Variants in PODXL observed in about 807,000 individuals in gnomAD.
PODXL encodes podocalyxin.
A neutral mutation model predicts 48.9 loss-of-function variants in PODXL; 20 were observed. That is an observed-to-expected ratio of 0.41 (90% CI 0.29 to 0.59). PODXL has a LOEUF of 0.59. Ranked by LOEUF, PODXL falls within the 20% of genes least tolerant of loss-of-function variation. The pLI is 0.31. For synonymous variants in PODXL, 295 were observed against 287.4 expected, an observed-to-expected ratio of 1.03 and a Z score of -0.27; for missense variants, 606 against 675.1, an observed-to-expected ratio of 0.90 and a Z score of 1.13.
chr7:131,516,065 C>T (rs1265395135), intron 1 of PODXL, among the ~76,000 whole-genome samples: 1 of 152,202 alleles, frequency 6.6e-6, no homozygotes, highest in Non-Finnish European at 1.5e-5. Context: ...AATTTTACAT[C>T]AGGCTGAATT....
chr7:131,522,000 G>C (rs1798099473), intron 1 of PODXL, among the ~76,000 whole-genome samples: 1 of 152,226 alleles, frequency 6.6e-6, no homozygotes, highest in Non-Finnish European at 1.5e-5. Flanking sequence ...CAGAGCTGTG[G>C]GCTAAACCCA....
intron 1 of PODXL, among the ~76,000 whole-genome samples, chr7:131,522,295 A>G (rs552497813): frequency 2.0e-5 from 3 of 152,274 alleles, no homozygotes; most frequent in African/African-American, 7.2e-5. Flanking sequence ...TACTAAAAAT[A>G]CAAAAAATTA....
intron 1 of PODXL, among the ~76,000 whole-genome samples, chr7:131,521,400 T>C (rs1354475160): frequency 6.6e-6 from 1 of 151,464 alleles, no homozygotes; most frequent in Admixed American, 6.6e-5. Flanking sequence ...GTGGTGTGAT[T>C]TCAGCTCACT....
intron 8 of PODXL, among the ~76,000 whole-genome samples, chr7:131,504,941 T>C (rs1232657064): frequency 6.6e-6 from 1 of 152,128 alleles, no homozygotes; most frequent in East Asian, 1.9e-4. Context: ...TCTAGAATCA[T>C]CCCTGCGGCA....
At chr7:131,553,213 G>A (rs1798694049) in intron 1 of PODXL, among the ~76,000 whole-genome samples, 1 of 152,106 alleles carries the variant, frequency 6.6e-6, no homozygotes, top group African/African-American at 2.4e-5. Flanking sequence ...ACAATTCATA[G>A]AGCCTCAGCC....
At chr7:131,531,140 C>T (rs144155705) in intron 1 of PODXL, among the ~76,000 whole-genome samples, 2,001 of 152,270 alleles carry the variant, frequency 0.013, 19 homozygotes, top group Non-Finnish European at 0.021. Context: ...CTTAGCTGGG[C>T]ACTCATTTCC....
At chr7:131,524,379 C>CACATACAGAGAGAGAG (rs746255906) in intron 1 of PODXL, among the ~76,000 whole-genome samples, 1 of 104,052 alleles carries the variant, frequency 9.6e-6, no homozygotes, top group Non-Finnish European at 2.3e-5. Flanking sequence ...CACACACACA[C>CACATACAGAGAGAGAG]AGAGAGAGAG....
At chr7:131,516,114 A>T (rs185264912) in intron 1 of PODXL, among the ~76,000 whole-genome samples, 27 of 152,380 alleles carry the variant, frequency 1.8e-4, no homozygotes, top group Admixed American at 1.2e-3. Context: ...TTTGGATCCA[A>T]TATGCTGACT....
chr7:131,527,869 G>C (rs79402376), intron 1 of PODXL, among the ~76,000 whole-genome samples: 3,462 of 151,258 alleles, frequency 0.023, 110 homozygotes, highest in African/African-American at 0.079. Context: ...AGCACCAGTA[G>C]AGGATTTGGC....
chr7:131,508,863 T>C (rs1336143135), intron 5 of PODXL, 88 bp downstream of exon 5: 1 of 952,952 alleles, frequency 1.0e-6, no homozygotes, highest in Non-Finnish European at 1.7e-6. Flanking sequence ...TGTTTAAAAA[T>C]GCACCTAGAA....
At chr7:131,542,521 G>A (rs1252021165) in intron 1 of PODXL, among the ~76,000 whole-genome samples, 1 of 152,136 alleles carries the variant, frequency 6.6e-6, no homozygotes, top group Non-Finnish European at 1.5e-5. Context: ...GCAAGGCATG[G>A]TGGTGCATGC....
At chr7:131,530,421 G>A (rs1004974829) in intron 1 of PODXL, among the ~76,000 whole-genome samples, 3 of 151,972 alleles carry the variant, frequency 2.0e-5, no homozygotes, top group South Asian at 2.1e-4. Flanking sequence ...CCCATGTTAC[G>A]GTCCCACCTC....
At chr7:131,520,378 C>T (rs1230294591) in intron 1 of PODXL, 7 of 446,694 alleles carry the variant, frequency 1.6e-5, no homozygotes, top group Non-Finnish European at 2.2e-5. Context: ...ATGTCCCATA[C>T]CTATCCCTGT....
In PODXL at chr7:131,508,936, C is replaced by G. The variant is rs3212299; in HGVS notation, c.1101+15G>C. The G allele has an allele frequency of 1.7e-5, 27 of 1,597,624 alleles. No individual in the cohort carries two copies. The East Asian group carries it at 5.8e-4, about 34-fold the overall frequency. On this transcript the variant is annotated intron_variant, in intron 5 of 8. Transcript: ENST00000378555. ...TGAGCCTGCACCTGGCGGCTCAGAT[C>G]AGCAAGCTACTCACACAGAGGGTGT...
At chr7:131,506,133 C>A in intron 7 of PODXL, 98 bp from the exon 8 acceptor site, 1 of 1,544,568 alleles carries the variant, frequency 6.5e-7, no homozygotes, top group South Asian at 1.2e-5. Context: ...TGCTAGGGTC[C>A]GTGCCGCCGC....
chr7:131,546,680 C>T (rs900448712), intron 1 of PODXL, among the ~76,000 whole-genome samples: 1 of 134,892 alleles, frequency 7.4e-6, no homozygotes, highest in Non-Finnish European at 1.5e-5. Flanking sequence ...GAGTCGAGAT[C>T]GTGCCACTGC....
At chr7:131,533,047 G>A (rs148710620) in intron 1 of PODXL, among the ~76,000 whole-genome samples, 1 of 152,182 alleles carries the variant, frequency 6.6e-6, no homozygotes, top group Non-Finnish European at 1.5e-5. Context: ...TAAGACAAGG[G>A]GTTCAGGATG....
intron 1 of PODXL, among the ~76,000 whole-genome samples, chr7:131,552,389 A>AG (rs1008363836): frequency 3.9e-5 from 6 of 152,140 alleles, no homozygotes; most frequent in African/African-American, 7.2e-5. Flanking sequence ...CCTCCCTGCA[A>AG]GGGGGGGAAT....
At chr7:131,544,639 G>A (rs1211008024) in intron 1 of PODXL, among the ~76,000 whole-genome samples, 6 of 16,756 alleles carry the variant, frequency 3.6e-4, no homozygotes, top group African/African-American at 4.3e-4. Context: ...CAGGGCCTCC[G>A]CACGCACGCC....
Sources: allele counts gnomAD v4.1 joint callset (sites outside exome capture counted in the v4.1 genomes callset), GRCh38; gene constraint gnomAD v4.1.1; transcripts MANE v1.5; gene names NCBI Gene and HGNC (gene_info 2026-07-23, HGNC 2026-07-21).